ERBB4: variants seen among roughly 807,000 people sequenced by gnomAD.
ERBB4 encodes the protein receptor tyrosine-protein kinase erbB-4.
A neutral mutation model predicts 158.0 loss-of-function variants in ERBB4; 42 were observed. That is an observed-to-expected ratio of 0.27 (90% CI 0.21 to 0.34). The LOEUF (loss-of-function observed/expected upper bound fraction) is 0.34, where lower values mean the gene tolerates loss of function less well. ERBB4 is among the 10% of genes least tolerant of loss of function. The pLI is 1.00. For synonymous variants in ERBB4, 583 were observed against 558.7 expected, an observed-to-expected ratio of 1.04 and a Z score of -0.61; for missense variants, 1,333 against 1,624.1, an observed-to-expected ratio of 0.82 and a Z score of 3.08.
At chr2:212,210,250 G>A (rs995284923) in intron 1 of ERBB4, among the ~76,000 whole-genome samples, 2 of 149,314 alleles carry the variant, frequency 1.3e-5, no homozygotes, top group African/African-American at 4.9e-5. Context: ...AATTTACCTT[G>A]TAAGTACAAT....
intron 1 of ERBB4, among the ~76,000 whole-genome samples, chr2:212,307,249 A>T (rs1012050183): frequency 5.3e-5 from 8 of 151,130 alleles, no homozygotes; most frequent in Non-Finnish European, 1.0e-4. Flanking sequence ...TATCATTCTC[A>T]TAATAGAGGA....
chr2:211,965,824 T>A (rs1408168216), intron 2 of ERBB4, among the ~76,000 whole-genome samples: 2 of 152,218 alleles, frequency 1.3e-5, no homozygotes, highest in African/African-American at 4.8e-5. Flanking sequence ...TTTATTTATA[T>A]ATGAAAGCCA....
At chr2:212,451,430 A>C (rs557613298) in intron 1 of ERBB4, among the ~76,000 whole-genome samples, 1 of 152,210 alleles carries the variant, frequency 6.6e-6, no homozygotes, top group Non-Finnish European at 1.5e-5. Context: ...TGATACAATC[A>C]TGTCTTTGAC....
At chr2:212,059,706 T>A (rs1332271787) in intron 2 of ERBB4, among the ~76,000 whole-genome samples, 2 of 152,192 alleles carry the variant, frequency 1.3e-5, no homozygotes, top group African/African-American at 4.8e-5. Context: ...ATTCCCTATT[T>A]AATAAATGGT....
chr2:212,336,768 C>T (rs532328933), intron 1 of ERBB4, among the ~76,000 whole-genome samples: 1 of 152,206 alleles, frequency 6.6e-6, no homozygotes, highest in South Asian at 2.1e-4. Flanking sequence ...CTTCACTTTG[C>T]ACTGAGATTA....
Position 211,795,543 on chromosome 2 carries a change from C to A in ERBB4, c.422-7384G>T, listed in dbSNP as rs541036327. Reference sequence around the variant, plus strand: ...ACATTTTTTTCTTCTATATAAAAATCTGGCTAGGTTATTTAAGGCTATTAT... The same window carrying A: ...ACATTTTTTTCTTCTATATAAAAATATGGCTAGGTTATTTAAGGCTATTAT... On this transcript the variant is annotated intron_variant, in intron 3 of 27. Coordinates refer to ENST00000342788, the MANE Select transcript of ERBB4 (RefSeq NM_005235.3). Among the ~76,000 whole-genome samples, 80 of 151,658 alleles carry A rather than the reference C, an allele frequency of 5.3e-4. 1 individual carries two copies. The highest frequency in any genetic ancestry group is 1.9e-3 in the African/African-American group (77 of 41,442).
At chr2:211,863,473 T>G (rs1344384262) in intron 3 of ERBB4, among the ~76,000 whole-genome samples, 1 of 152,232 alleles carries the variant, frequency 6.6e-6, no homozygotes, top group East Asian at 1.9e-4. Flanking sequence ...CCGCACTACC[T>G]TTATGAGCTG....
At chr2:211,624,103 GTCTCTCTCTC>G in intron 17 of ERBB4, 59 bp from the exon 18 acceptor site, 3 of 1,393,930 alleles carry the variant, frequency 2.2e-6, no homozygotes, top group African/African-American at 1.4e-5. Context: ...CTCTCTCTCT[GTCTCTCTCTC>G]TCTCTCTCTC....
chr2:212,454,334 T>C (rs1422006241), intron 1 of ERBB4, among the ~76,000 whole-genome samples: 2 of 152,200 alleles, frequency 1.3e-5, no homozygotes, highest in African/African-American at 2.4e-5. Flanking sequence ...TTTAAGACAA[T>C]TTCTCTTTCA....
intron 2 of ERBB4, among the ~76,000 whole-genome samples, chr2:211,980,567 G>A (rs12473131): frequency 0.18 from 27,372 of 152,064 alleles, 2,717 homozygotes; most frequent in East Asian, 0.38. Flanking sequence ...TTAGTATTTA[G>A]TGAAAAGATT....
intron 25 of ERBB4, among the ~76,000 whole-genome samples, chr2:211,395,066 A>AAATATTGT (rs1413054763): frequency 6.6e-6 from 1 of 152,136 alleles, no homozygotes; most frequent in Non-Finnish European, 1.5e-5. Flanking sequence ...ATTAGTTATT[A>AAATATTGT]AATATTGTAA....
intron 3 of ERBB4, among the ~76,000 whole-genome samples, chr2:211,819,567 A>T (rs1032406459): frequency 7.9e-5 from 12 of 152,032 alleles, no homozygotes; most frequent in Non-Finnish European, 1.5e-4. Context: ...GCATCTTTAG[A>T]GTACACATAG....
chr2:211,772,848 T>C lies in ERBB4; in HGVS notation c.556+15177A>G, dbSNP rs56131647. ...ATATATATATATACACATATATATA[T>C]ATATATATATATATATATATACACA... is the stretch of plus-strand genomic sequence containing the variant. On this transcript the variant is annotated intron_variant, in intron 4 of 27. Coordinates refer to ENST00000342788, the MANE Select transcript of ERBB4 (RefSeq NM_005235.3). Among the ~76,000 whole-genome samples, 307 of 64,258 alleles carry C rather than the reference T, an allele frequency of 4.8e-3. 5 individuals are homozygous for C. Among genetic ancestry groups the C allele is most frequent in the African/African-American group, 8.6e-3 (130 of 15,164 alleles). The allele number at this position is 64,258 out of a possible 152,430, so 42.2% of individuals were successfully genotyped here. A position where few individuals can be genotyped will look rare whatever the true frequency, so the allele number is the denominator to read the frequency against.
intron 1 of ERBB4, among the ~76,000 whole-genome samples, chr2:212,327,728 C>CTTTTTTTTT (rs11413473): frequency 1.0e-3 from 137 of 133,134 alleles, no homozygotes; most frequent in Non-Finnish European, 1.5e-3. Context: ...TTCTTTTTTT[C>CTTTTTTTTT]TTTTTTTTTT....
chr2:211,678,321 A>C (rs1273188814), intron 13 of ERBB4, among the ~76,000 whole-genome samples: 1 of 13,094 alleles, frequency 7.6e-5, no homozygotes. Flanking sequence ...AAACAAACAA[A>C]AAAAAAAAAA....
intron 21 of ERBB4, among the ~76,000 whole-genome samples, chr2:211,429,188 G>A (rs555592779): frequency 1.3e-5 from 2 of 152,032 alleles, no homozygotes; most frequent in East Asian, 3.9e-4. Flanking sequence ...TGTGTTTATA[G>A]TTTTTTCTCA....
chr2:211,846,412 C>T (rs1302213974), intron 3 of ERBB4, among the ~76,000 whole-genome samples: 2 of 152,030 alleles, frequency 1.3e-5, no homozygotes, highest in Non-Finnish European at 2.9e-5. Flanking sequence ...ATTCAATATC[C>T]TCCTTTTATT....
intron 3 of ERBB4, among the ~76,000 whole-genome samples, chr2:211,849,824 C>T (rs1374272881): frequency 7.0e-6 from 1 of 142,404 alleles, no homozygotes; most frequent in Non-Finnish European, 1.6e-5. Context: ...TCTTACTGCC[C>T]AGCAAAATGC....
At chr2:212,248,755 A>G (rs1451981925) in intron 1 of ERBB4, among the ~76,000 whole-genome samples, 1 of 152,068 alleles carries the variant, frequency 6.6e-6, no homozygotes, top group African/African-American at 2.4e-5. Context: ...AATGTCAACT[A>G]TTTCAGCTTT....
Sources: gnomAD v4.1 joint callset for allele counts (sites outside exome capture counted in the v4.1 genomes callset) on GRCh38, gnomAD v4.1.1 for gene constraint, MANE v1.5 for transcripts, NCBI Gene and HGNC (gene_info 2026-07-23, HGNC 2026-07-21) for gene names.